CEP128: variants seen among roughly 807,000 people sequenced by gnomAD.
CEP128 encodes the protein centrosomal protein 128.
Under a neutral mutation model 156.7 loss-of-function variants are expected in CEP128, and 132 were observed. The ratio of observed to expected loss-of-function variants is 0.84; its 90% CI spans 0.73 to 0.97. CEP128 has a LOEUF of 0.97. Ranked by LOEUF, CEP128 falls within the 50% of genes least tolerant of loss-of-function variation. The pLI is 0.00. For synonymous variants in CEP128, 469 were observed against 448.9 expected (o/e 1.04, Z -0.57); for missense variants, 1,252 against 1,281.9 (o/e 0.98, Z 0.36).
chr14:80,950,620 T>C (rs971595622), intron 2 of CEP128, among the ~76,000 whole-genome samples: 4 of 152,142 alleles, frequency 2.6e-5, no homozygotes, highest in Non-Finnish European at 5.9e-5. Context: ...AATTTTTTAC[T>C]GAGAAAAGCA....
downstream of CEP128, among the ~76,000 whole-genome samples, chr14:80,494,695 TGAA>T (rs1385001946): frequency 1.3e-5 from 2 of 152,100 alleles, no homozygotes; most frequent in African/African-American, 4.8e-5. Context: ...AGGAGAAAAA[TGAA>T]GAAAAGTAGG....
chr14:80,582,067 T>C (rs908340398), intron 19 of CEP128, among the ~76,000 whole-genome samples: 1 of 152,218 alleles, frequency 6.6e-6, no homozygotes, highest in Non-Finnish European at 1.5e-5. Flanking sequence ...ACCTGCTAGA[T>C]GACAACAGAC....
intron 8 of CEP128, among the ~76,000 whole-genome samples, chr14:80,892,349 A>C (rs148986471): frequency 4.6e-5 from 7 of 152,046 alleles, no homozygotes; most frequent in Admixed American, 3.3e-4. Flanking sequence ...AGAAAACTGG[A>C]ATTTCACACA....
intron 24 of CEP128, among the ~76,000 whole-genome samples, chr14:80,499,410 A>G (rs971640438): frequency 2.0e-5 from 3 of 152,250 alleles, no homozygotes; most frequent in African/African-American, 7.2e-5. Flanking sequence ...AAAGTGAAAT[A>G]GTATTTTTAA....
chr14:80,899,914 A>T (rs774123145), intron 7 of CEP128, 24 bp downstream of exon 7: 22 of 1,525,490 alleles, frequency 1.4e-5, no homozygotes, highest in Non-Finnish European at 1.8e-5. Flanking sequence ...TATCCCTCCC[A>T]TAAAAACCAT....
chr14:80,953,956 C>A (rs1594881872), intron 2 of CEP128, among the ~76,000 whole-genome samples: 1 of 152,026 alleles, frequency 6.6e-6, no homozygotes, highest in African/African-American at 2.4e-5. Flanking sequence ...CATAACAATA[C>A]CATGGTAATT....
chr14:80,505,778 G>A (rs1479539655), intron 23 of CEP128, among the ~76,000 whole-genome samples: 1 of 152,132 alleles, frequency 6.6e-6, no homozygotes, highest in East Asian at 1.9e-4. Flanking sequence ...CAGTAAAACT[G>A]TACTTTCTTC....
intron 13 of CEP128, among the ~76,000 whole-genome samples, chr14:80,803,007 G>T (rs529840521): frequency 6.6e-6 from 1 of 152,082 alleles, no homozygotes; most frequent in African/African-American, 2.4e-5. Flanking sequence ...AGGAAAGAAC[G>T]CATTTGTCAG....
intron 19 of CEP128, among the ~76,000 whole-genome samples, chr14:80,644,368 T>C (rs1054574212): frequency 6.6e-6 from 1 of 152,176 alleles, no homozygotes; most frequent in Non-Finnish European, 1.5e-5. Flanking sequence ...TCCCCTAAAA[T>C]ACTTGCAGTG....
In CEP128 at chr14:80,909,371, TCACACACACACACACA is replaced by T. The variant is rs36082524; in HGVS notation, c.235-3306_235-3291del. The stretch of plus-strand genomic sequence containing the variant: ...AAAAGCTCAGAAATAAAGTGAATTT[TCACACACACACACACA>T]CACACACACACACACACGCAAACTC... On this transcript the variant is annotated intron_variant, in intron 4 of 24. Transcript: ENST00000555265. 6.3e-5 allele frequency among the ~76,000 whole-genome samples: 9 copies of T among 142,434 alleles called. No individual in the cohort carries two copies. In the South Asian group the frequency reaches 7.0e-4, roughly 11 times the overall value. The allele number at this position is 142,434 out of a possible 152,430, so 93.4% of individuals were successfully genotyped here. A position where few individuals can be genotyped will look rare whatever the true frequency, so the allele number is the denominator to read the frequency against.
At chr14:80,677,371 G>A (rs938101510) in intron 19 of CEP128, among the ~76,000 whole-genome samples, 2 of 151,970 alleles carry the variant, frequency 1.3e-5, no homozygotes, top group African/African-American at 4.8e-5. Flanking sequence ...AGCCAGGTGT[G>A]GTGGTGACTG....
At chr14:80,574,888 G>A (rs1194682472) in intron 20 of CEP128, among the ~76,000 whole-genome samples, 2 of 151,694 alleles carry the variant, frequency 1.3e-5, no homozygotes, top group East Asian at 3.9e-4. Context: ...AAAGAAAATC[G>A]AACCCTTCAA....
intron 13 of CEP128, among the ~76,000 whole-genome samples, chr14:80,800,211 A>G (rs985732528): frequency 2.0e-5 from 3 of 152,286 alleles, no homozygotes; most frequent in Non-Finnish European, 4.4e-5. Flanking sequence ...GAAAGAACCT[A>G]CACTGAAATA....
intron 2 of CEP128, among the ~76,000 whole-genome samples, chr14:80,926,223 C>T (rs757836488): frequency 6.6e-6 from 1 of 152,108 alleles, no homozygotes; most frequent in Non-Finnish European, 1.5e-5. Flanking sequence ...AGGGGCACGA[C>T]CTAAAAGCTG....
In CEP128 at chr14:80,919,175, T is replaced by A. The variant is rs186003772; in HGVS notation, c.-15-2613A>T. On this transcript the variant is annotated intron_variant, in intron 2 of 24. Transcript: ENST00000555265. ...AATAACTGTCTTTGAGATAACTTGA[T>A]ATTTCTAAGAGTATCAAAATTTTAA... Among the ~76,000 whole-genome samples, 302 of 152,330 alleles carry A rather than the reference T, an allele frequency of 2.0e-3. 4 individuals are homozygous for A. Among genetic ancestry groups the A allele is most frequent in the Non-Finnish European group, 6.3e-4 (43 of 68,024 alleles).
intron 18 of CEP128, among the ~76,000 whole-genome samples, chr14:80,753,342 T>C (rs1226428119): frequency 1.3e-5 from 2 of 152,188 alleles, no homozygotes; most frequent in Non-Finnish European, 1.5e-5. Context: ...TATAGCTTTA[T>C]ACCGTCAAAA....
At chr14:80,600,931 A>G (rs1000781143) in intron 19 of CEP128, among the ~76,000 whole-genome samples, 2 of 149,514 alleles carry the variant, frequency 1.3e-5, no homozygotes, top group African/African-American at 4.9e-5. Context: ...AATTAACTTG[A>G]TATTAATCCA....
intron 19 of CEP128, among the ~76,000 whole-genome samples, chr14:80,643,269 T>C (rs1894496329): frequency 6.6e-6 from 1 of 152,118 alleles, no homozygotes; most frequent in Non-Finnish European, 1.5e-5. Context: ...TTCTAATGCA[T>C]CAGCAGTGGC....
At chr14:80,774,604 T>C (rs1003973320) in intron 16 of CEP128, among the ~76,000 whole-genome samples, 2 of 151,948 alleles carry the variant, frequency 1.3e-5, no homozygotes, top group African/African-American at 4.8e-5. Flanking sequence ...TTTACATATA[T>C]ACATATGTGT....
Sources: gnomAD v4.1 joint callset for allele counts (sites outside exome capture counted in the v4.1 genomes callset) on GRCh38, gnomAD v4.1.1 for gene constraint, MANE v1.5 for transcripts, NCBI Gene and HGNC (gene_info 2026-07-23, HGNC 2026-07-21) for gene names.